Variants in PAK3 observed in about 807,000 individuals in gnomAD.
PAK3 encodes serine/threonine-protein kinase PAK 3.
Under a neutral mutation model 41.0 loss-of-function variants are expected in PAK3, and 4 were observed. The ratio of observed to expected loss-of-function variants is 0.10; its 90% confidence interval spans 0.05 to 0.22. The LOEUF (loss-of-function observed/expected upper bound fraction) is 0.22. Among genes scored for constraint, PAK3 ranks in the 10% least tolerant of loss-of-function variants. The pLI, the probability that PAK3 is intolerant of heterozygous loss-of-function variation, is 1.00. For missense variants in PAK3, 205 were observed against 409.9 expected (o/e 0.50, Z 4.32); for synonymous variants, 146 against 139.6 (o/e 1.05, Z -0.32).
chrX:111,226,892 C>A lies in PAK3; in HGVS notation c.*6445C>A, dbSNP rs2094955788. On this transcript the variant is annotated 3_prime_UTR_variant, in exon 18 of 18. Coordinates refer to ENST00000372007, the MANE Select transcript of PAK3 (RefSeq NM_002578.5). ...GCTACTAATGCATTGAGTTTTTAAT[C>A]TCAGTACATCAGCCAGGAGGAGCCA... The A allele has an allele frequency of 8.9e-6, 1 of 112,181 alleles. No homozygotes were observed. The highest frequency in any genetic ancestry group is 3.7e-4 in the South Asian group (1 of 2,691). The allele number at this position is 112,181 out of a possible 1,213,427, so 9.2% of individuals were successfully genotyped here.
At chrX:110,987,011 A>C (rs750260774) in intron 1 of PAK3, among the ~76,000 whole-genome samples, 3 of 112,141 alleles carry the variant, frequency 2.7e-5, no homozygotes, top group African/African-American at 9.7e-5. Context: ...GTCTCAGCCA[A>C]GAAGGATAAA....
chrX:111,168,010 C>T (rs1485522099), intron 10 of PAK3, among the ~76,000 whole-genome samples: 1 of 111,383 alleles, frequency 9.0e-6, no homozygotes, highest in Non-Finnish European at 1.9e-5. Context: ...TCTCACCTCC[C>T]TCAGCATTCC....
intron 11 of PAK3, among the ~76,000 whole-genome samples, chrX:111,181,460 C>G (rs910485020): frequency 1.8e-5 from 2 of 110,981 alleles, no homozygotes; most frequent in African/African-American, 6.5e-5. Context: ...CTAGCTCATG[C>G]GTAATCAAGC....
rs761227341 is a variant in PAK3, at chrX:110,947,514, A to G, written c.-28+2886A>G. ...TAGTTCCATAGAATGTTAGTAGGGC[A>G]CACCTCTCCCCATCCACACACACAC... On this transcript the variant is annotated intron_variant, in intron 1 of 14. Coordinates refer to the PAK3 transcript ENST00000425146. Among the ~76,000 whole-genome samples, 12 of 111,309 alleles carry G rather than the reference A, an allele frequency of 1.1e-4. No homozygotes were observed. The East Asian group carries it at 3.1e-3, about 29-fold the overall frequency.
chrX:111,195,020 A>G (rs886605571), intron 14 of PAK3, among the ~76,000 whole-genome samples: 1 of 112,088 alleles, frequency 8.9e-6, no homozygotes, highest in Non-Finnish European at 1.9e-5. Context: ...TAAAAAACAC[A>G]CACACTTTTT....
chrX:111,028,027 G>GTGTATATATATATACATATATATA (rs57456281), intron 1 of PAK3, among the ~76,000 whole-genome samples: 31 of 97,865 alleles, frequency 3.2e-4, no homozygotes, highest in Middle Eastern at 5.1e-3. Context: ...ACATATATAT[G>GTGTATATATATATACATATATATA]TGTGTATATA....
At chrX:111,053,774 C>T (rs1017799446) in intron 1 of PAK3, among the ~76,000 whole-genome samples, 2 of 111,410 alleles carry the variant, frequency 1.8e-5, no homozygotes, top group Admixed American at 1.9e-4. Flanking sequence ...CAGACAGCAC[C>T]TCCTCAGACC....
chrX:110,955,933 G>T (rs1469227759), intron 1 of PAK3, among the ~76,000 whole-genome samples: 1 of 111,980 alleles, frequency 8.9e-6, no homozygotes, highest in Non-Finnish European at 1.9e-5. Context: ...AAGGTTAAAA[G>T]ATCACTTGCT....
In PAK3 at chrX:111,027,576, A is replaced by T. The variant is rs1229020374; in HGVS notation, c.-28+82948A>T. Among the ~76,000 whole-genome samples the T allele has an allele frequency of 7.1e-5, 8 of 112,258 alleles. No homozygotes were observed. The East Asian group carries it at 2.2e-3, about 31-fold the overall frequency. Reference sequence around the variant, plus strand: ...ACAAGCATATGGAAAAATGCTCAACATCACTAATTATCAGGGAAATATAAA... The same window carrying T: ...ACAAGCATATGGAAAAATGCTCAACTTCACTAATTATCAGGGAAATATAAA... On this transcript the variant is annotated intron_variant, in intron 1 of 14. Coordinates refer to the PAK3 transcript ENST00000425146.
chrX:111,030,063 T>C (rs1254350641), intron 1 of PAK3, among the ~76,000 whole-genome samples: 1 of 112,168 alleles, frequency 8.9e-6, no homozygotes, highest in Non-Finnish European at 1.9e-5. Flanking sequence ...TACATTTCTC[T>C]CAACTGTGAA....
rs191959521 is a variant in PAK3, at chrX:111,015,188, G to A, written c.-28+70560G>A. Reference sequence around the variant, plus strand: ...AACTCGCGAGTTATACTACTAACTAGTATAGTGACTGGCTTCTTTTTTGTG... The same window carrying A: ...AACTCGCGAGTTATACTACTAACTAATATAGTGACTGGCTTCTTTTTTGTG... On this transcript the variant is annotated intron_variant, in intron 1 of 14. Transcript: ENST00000425146. Among the ~76,000 whole-genome samples, 3 of 110,767 alleles carry A rather than the reference G, an allele frequency of 2.7e-5. No homozygotes were observed. The Admixed American group carries it at 2.9e-4, about 11-fold the overall frequency.
intron 16 of PAK3, among the ~76,000 whole-genome samples, chrX:111,201,834 AT>A (rs1419085300): frequency 1.8e-5 from 2 of 110,995 alleles, no homozygotes; most frequent in African/African-American, 6.5e-5. Context: ...AAAAATATAT[AT>A]GTATATATTT....
At chrX:111,182,786 T>C (rs1198696173) in intron 11 of PAK3, among the ~76,000 whole-genome samples, 1 of 111,526 alleles carries the variant, frequency 9.0e-6, no homozygotes. Context: ...ACTTTTTTAA[T>C]ATTCAGCAAA....
Position 111,163,665 on chromosome X carries a change from G to C in PAK3, c.704G>C (p.Arg235Thr). 1.7e-6 allele frequency: 2 copies of C among 1,204,242 alleles called. No homozygotes were observed. Among genetic ancestry groups the C allele is most frequent in the Non-Finnish European group, 2.3e-6 (2 of 888,718 alleles). The change falls in exon 10 of 18, where the codon AGG becomes ACG. Residue 235 changes from arginine to threonine, a missense_variant. Around this residue, in one of 5 missense-constraint regions of PAK3, gnomAD observed 75 missense variants for 91.9 expected, o/e 0.82. Transcript: ENST00000372007. ...AENANSSTLYRNTDRQRKKSK... is the reference protein window; with the variant it reads ...AENANSSTLYTNTDRQRKKSK... ...AATGCCAATTCCAGTACTTTGTACA[G>C]GAACACAGATCGGCAAAGAAAAAAA...
At chrX:111,153,299 T>C (rs2094057277) in intron 8 of PAK3, among the ~76,000 whole-genome samples, 1 of 111,905 alleles carries the variant, frequency 8.9e-6, no homozygotes, top group Non-Finnish European at 1.9e-5. Flanking sequence ...TGTATGTCAC[T>C]TGTTCCAACA....
chrX:111,055,773 G>A (rs1002189749), intron 1 of PAK3, among the ~76,000 whole-genome samples: 3 of 111,767 alleles, frequency 2.7e-5, no homozygotes, highest in African/African-American at 9.8e-5. Context: ...AGGCCAGGGA[G>A]CAAACATCAG....
chrX:111,024,782 C>A (rs369380519), intron 1 of PAK3, among the ~76,000 whole-genome samples: 5 of 111,140 alleles, frequency 4.5e-5, no homozygotes, highest in Non-Finnish European at 9.4e-5. Context: ...CTAAACTGTA[C>A]CCTACAACAA....
chrX:110,948,764 T>C (rs2090677292), intron 1 of PAK3, among the ~76,000 whole-genome samples: 1 of 111,615 alleles, frequency 9.0e-6, no homozygotes, highest in African/African-American at 3.3e-5. Flanking sequence ...TCAGATTAGC[T>C]CTTCTCTGCA....
chrX:110,987,070 G>C (rs2091557403), intron 1 of PAK3, among the ~76,000 whole-genome samples: 1 of 111,801 alleles, frequency 8.9e-6, no homozygotes, highest in Admixed American at 9.5e-5. Flanking sequence ...GCAAAGATTG[G>C]TCCAGTCCAC....
Sources: gnomAD v4.1 joint callset for allele counts (sites outside exome capture counted in the v4.1 genomes callset) on GRCh38, gnomAD v4.1.1 for gene constraint, gnomAD v4.1.1 regional missense constraint, MANE v1.5 for transcripts, NCBI Gene and HGNC (gene_info 2026-07-23, HGNC 2026-07-21) for gene names.